Variants in ROBO1 observed in about 807,000 individuals in gnomAD.
The protein encoded by ROBO1 is roundabout guidance receptor 1.
Under a neutral mutation model 195.9 loss-of-function variants are expected in ROBO1, and 149 were observed. The ratio of observed to expected loss-of-function variants is 0.76; its 90% CI spans 0.67 to 0.87. The LOEUF (loss-of-function observed/expected upper bound fraction) is 0.87. Among genes scored for constraint, ROBO1 ranks in the 40% least tolerant of loss-of-function variants. The pLI is 0.00. For synonymous variants in ROBO1, 816 were observed against 733.2 expected (o/e 1.11, Z -1.82); for missense variants, 1,933 against 2,068.3 (o/e 0.93, Z 1.27).
rs1318485725 is a variant in ROBO1, at chr3:79,547,191, A to AAAAAAAAAG, written c.88+42632_88+42633insCTTTTTTTT. On this transcript the variant is annotated intron_variant, in intron 2 of 30. Transcript: ENST00000464233. ...CAGAGCGAGACTCCGCCTCAAAAAAAAAAAAAAAAAAAAAAAAAAAAAGAC... is the reference window on the plus strand; with the variant it reads ...CAGAGCGAGACTCCGCCTCAAAAAAAAAAAAAAAGAAAAAAAAAAAAAAAAAAAAAAGAC... 8.8e-5 allele frequency among the ~76,000 whole-genome samples: 13 copies of AAAAAAAAAG among 147,324 alleles called. 2 individuals are homozygous for AAAAAAAAAG. In the East Asian group the frequency reaches 2.6e-3, roughly 29 times the overall value.
chr3:79,155,191 C>T (rs1018647553), intron 2 of ROBO1, among the ~76,000 whole-genome samples: 9 of 145,390 alleles, frequency 6.2e-5, no homozygotes, highest in African/African-American at 1.5e-4. Context: ...AAGATCTACC[C>T]TTTTTTTTTT....
intron 1 of ROBO1, among the ~76,000 whole-genome samples, chr3:79,593,951 T>C (rs1177520658): frequency 6.6e-6 from 1 of 151,974 alleles, no homozygotes; most frequent in East Asian, 1.9e-4. Context: ...ATGTTTTGAA[T>C]AACAGTATTT....
At chr3:79,432,801 A>C (rs1281574819) in intron 2 of ROBO1, among the ~76,000 whole-genome samples, 1 of 152,150 alleles carries the variant, frequency 6.6e-6, no homozygotes, top group Non-Finnish European at 1.5e-5. Context: ...TTTTTAGTCA[A>C]GGGTCACTAA....
chr3:78,864,559 G>A (rs2035047973), intron 4 of ROBO1, among the ~76,000 whole-genome samples: 1 of 152,028 alleles, frequency 6.6e-6, no homozygotes, highest in Non-Finnish European at 1.5e-5. Context: ...CTAAATTGAA[G>A]TTAAATTAAC....
intron 1 of ROBO1, among the ~76,000 whole-genome samples, chr3:79,611,361 A>T (rs1369317824): frequency 6.6e-6 from 1 of 152,104 alleles, no homozygotes; most frequent in Non-Finnish European, 1.5e-5. Flanking sequence ...CAGAAAATTC[A>T]AATTAAAATC....
chr3:79,338,083 C>A (rs73125252), intron 2 of ROBO1, among the ~76,000 whole-genome samples: 16,308 of 152,102 alleles, frequency 0.11, 889 homozygotes, highest in Middle Eastern at 0.14. Context: ...TGGTTGCCTT[C>A]AATCTTTAAA....
chr3:79,347,420 A>G (rs2035164628), intron 2 of ROBO1, among the ~76,000 whole-genome samples: 1 of 152,206 alleles, frequency 6.6e-6, no homozygotes, highest in Non-Finnish European at 1.5e-5. Flanking sequence ...AAGGTCATTT[A>G]TTAGCCAGCA....
At chr3:79,499,398 T>C (rs1457531626) in intron 2 of ROBO1, among the ~76,000 whole-genome samples, 1 of 152,218 alleles carries the variant, frequency 6.6e-6, no homozygotes, top group Non-Finnish European at 1.5e-5. Flanking sequence ...AATACATCTG[T>C]AAAGCAAACT....
rs186978866 is a variant in ROBO1, at chr3:79,498,419, A to G, written c.88+91405T>C. Among the ~76,000 whole-genome samples, 7 of 152,308 alleles carry G rather than the reference A, an allele frequency of 4.6e-5. No homozygotes were observed. The East Asian group carries it at 1.4e-3, about 29-fold the overall frequency. ...GCATCATTTGTTGATTCTTACTTTA[A>G]TATTACTGTTGCTTATCTTTTACAA... is the stretch of plus-strand genomic sequence containing the variant. On this transcript the variant is annotated intron_variant, in intron 2 of 30. Transcript: ENST00000464233.
chr3:79,675,876 G>C (rs1036989093), intron 1 of ROBO1, among the ~76,000 whole-genome samples: 20 of 152,034 alleles, frequency 1.3e-4, no homozygotes, highest in Admixed American at 2.6e-4. Context: ...AACATGCTGT[G>C]CCAGTTAATT....
intron 2 of ROBO1, among the ~76,000 whole-genome samples, chr3:79,494,973 T>C (rs1433480375): frequency 1.3e-5 from 2 of 152,116 alleles, no homozygotes; most frequent in Non-Finnish European, 1.5e-5. Context: ...TGTTTTACTT[T>C]CCTCTAAAGA....
intron 2 of ROBO1, among the ~76,000 whole-genome samples, chr3:79,182,751 C>T (rs2081364868): frequency 6.6e-6 from 1 of 152,054 alleles, no homozygotes; most frequent in Non-Finnish European, 1.5e-5. Flanking sequence ...ACTATTTTCC[C>T]ACTTCTCCCA....
intron 3 of ROBO1, among the ~76,000 whole-genome samples, chr3:79,052,248 G>A (rs1181460907): frequency 4.6e-5 from 7 of 152,094 alleles, no homozygotes; most frequent in Admixed American, 3.3e-4. Context: ...TTATGCAGTT[G>A]AAAATAAGGG....
At chr3:79,255,879 T>A (rs1435516854) in intron 2 of ROBO1, among the ~76,000 whole-genome samples, 3 of 152,150 alleles carry the variant, frequency 2.0e-5, no homozygotes, top group Admixed American at 6.6e-5. Flanking sequence ...CAAAGCTGGG[T>A]CAGGATGGAG....
chr3:79,307,767 G>C (rs564302993), intron 2 of ROBO1, among the ~76,000 whole-genome samples: 44 of 152,134 alleles, frequency 2.9e-4, no homozygotes, highest in African/African-American at 1.1e-3. Flanking sequence ...TGTTGATTTG[G>C]GTTAATTTCA....
At chr3:78,858,445 TG>T (rs2034584321) in intron 4 of ROBO1, among the ~76,000 whole-genome samples, 1 of 151,276 alleles carries the variant, frequency 6.6e-6, no homozygotes, top group Non-Finnish European at 1.5e-5. Flanking sequence ...AGTGGAAAAC[TG>T]GGTGAGATGC....
chr3:78,889,956 G>A (rs966830534), intron 4 of ROBO1, among the ~76,000 whole-genome samples: 1 of 151,902 alleles, frequency 6.6e-6, no homozygotes, highest in Admixed American at 6.6e-5. Flanking sequence ...CACTCTCTCA[G>A]CGAGGCCTGC....
chr3:79,117,397 G>T (rs1480618197), intron 3 of ROBO1, among the ~76,000 whole-genome samples: 3 of 151,820 alleles, frequency 2.0e-5, no homozygotes, highest in Non-Finnish European at 4.4e-5. Flanking sequence ...AAAAAGAGCA[G>T]GAGTTACTTC....
intron 2 of ROBO1, among the ~76,000 whole-genome samples, chr3:79,567,160 C>T (rs1048892453): frequency 6.6e-6 from 1 of 152,066 alleles, no homozygotes; most frequent in Admixed American, 6.6e-5. Flanking sequence ...AAACAGAAAA[C>T]CAAATGTCAC....
Sources: gnomAD v4.1 joint callset for allele counts (sites outside exome capture counted in the v4.1 genomes callset) on GRCh38, gnomAD v4.1.1 for gene constraint, MANE v1.5 for transcripts, NCBI Gene and HGNC (gene_info 2026-07-23, HGNC 2026-07-21) for gene names.